Variants in BAZ1A observed in about 807,000 individuals in gnomAD.
The protein encoded by BAZ1A is bromodomain adjacent to zinc finger domain protein 1A.
Under a neutral mutation model 185.2 loss-of-function variants are expected in BAZ1A, and 50 were observed. That is an observed-to-expected ratio of 0.27 (90% CI 0.22 to 0.34). BAZ1A has a LOEUF of 0.34. Among genes scored for constraint, BAZ1A ranks in the 10% least tolerant of loss-of-function variants. The pLI, the probability that BAZ1A is intolerant of heterozygous loss-of-function variation, is 1.00. For synonymous variants in BAZ1A, 571 were observed against 615.6 expected (o/e 0.93, Z 1.07); for missense variants, 1,356 against 1,839.9 (o/e 0.74, Z 4.81).
chr14:34,760,531 G>C (rs77225191), intron 24 of BAZ1A, among the ~76,000 whole-genome samples: 2,819 of 141,436 alleles, frequency 0.02, 37 homozygotes, highest in South Asian at 0.044. Context: ...TTTATGTTTA[G>C]CTTCATTTAA....
chr14:34,789,197 C>A (rs926992895), intron 12 of BAZ1A, among the ~76,000 whole-genome samples: 1 of 152,214 alleles, frequency 6.6e-6, no homozygotes, highest in Admixed American at 6.5e-5. Flanking sequence ...TAACAACAGT[C>A]CTAGATACAA....
In BAZ1A at chr14:34,758,823, G is replaced by A. The variant is rs544478305; in HGVS notation, c.4267C>T (p.Arg1423Ter). ...SPEPSPVTLGRRSSGRQGGVH... is the reference protein window; with the variant it reads ...SPEPSPVTLG ...CCTCCCTGTCGGCCAGAACTCCTTCGACCCAGTGTCACAGGCGATGGCTCT... is the reference window on the plus strand; with the variant it reads ...CCTCCCTGTCGGCCAGAACTCCTTCAACCCAGTGTCACAGGCGATGGCTCT... The change falls in exon 25 of 27, where the codon CGA becomes TGA. Residue 1423 changes from arginine to a stop codon, truncating the protein, a stop_gained. Transcript: ENST00000360310. LOFTEE classifies it high-confidence loss of function. 1 of 1,613,986 alleles carries A rather than the reference G, an allele frequency of 6.2e-7. No homozygotes were observed. Among genetic ancestry groups the A allele is most frequent in the Non-Finnish European group, 8.5e-7 (1 of 1,179,994 alleles).
intron 6 of BAZ1A, 29 bp from the exon 7 acceptor site, chr14:34,803,017 T>A: frequency 6.3e-7 from 1 of 1,576,964 alleles, no homozygotes; most frequent in Non-Finnish European, 8.7e-7. Context: ...TAGGGTACAA[T>A]AATAACACAT....
At chr14:34,832,207 C>CATATATATATATATATATATATATAT (rs2042254467) in intron 3 of BAZ1A, among the ~76,000 whole-genome samples, 1 of 67,444 alleles carries the variant, frequency 1.5e-5, no homozygotes, top group Non-Finnish European at 3.3e-5. Context: ...CACACACACA[C>CATATATATATATATATATATATATAT]ACACACACAT....
chr14:34,870,621 G>A (rs776934804), intron 2 of BAZ1A, among the ~76,000 whole-genome samples: 3 of 152,172 alleles, frequency 2.0e-5, no homozygotes, highest in Non-Finnish European at 2.9e-5. Context: ...GATCTAGGCA[G>A]CCAGTTTAAA....
At chr14:34,819,910 G>T (rs909885464) in intron 4 of BAZ1A, among the ~76,000 whole-genome samples, 1 of 152,138 alleles carries the variant, frequency 6.6e-6, no homozygotes, top group African/African-American at 2.4e-5. Flanking sequence ...AGTTCCTGTT[G>T]CTCCACATGC....
chr14:34,762,260 A>G (rs370494713), intron 23 of BAZ1A, 37 bp from the exon 24 acceptor site: 2 of 1,569,684 alleles, frequency 1.3e-6, no homozygotes, highest in African/African-American at 2.7e-5. Context: ...TATTGTACAG[A>G]GCAATGATGA....
chr14:34,860,282 T>C (rs1236563573), intron 3 of BAZ1A, among the ~76,000 whole-genome samples: 1 of 151,246 alleles, frequency 6.6e-6, no homozygotes, highest in African/African-American at 2.4e-5. Context: ...CCAAGGCAGG[T>C]GGATTACTTG....
In BAZ1A at chr14:34,826,783, T is replaced by C. The variant is rs115572529; in HGVS notation, c.393-627A>G. Among the ~76,000 whole-genome samples the C allele has an allele frequency of 4.3e-3, 662 of 152,340 alleles. 10 individuals carry two copies. The highest frequency in any genetic ancestry group is 0.015 in the African/African-American group (618 of 41,584). ...TTGACTGCATTAAGGCAAAAGCAGA[T>C]AGTCGCTAAAGTATTATTGCTAAGT... On this transcript the variant is annotated intron_variant, in intron 3 of 26. Transcript: ENST00000360310.
chr14:34,855,519 A>G (rs944614935), intron 3 of BAZ1A, among the ~76,000 whole-genome samples: 2 of 152,172 alleles, frequency 1.3e-5, no homozygotes, highest in African/African-American at 4.8e-5. Flanking sequence ...AATTTGTCTT[A>G]AGTTTTTAAC....
At chr14:34,754,471 A>G (rs1191338258) in intron 26 of BAZ1A, among the ~76,000 whole-genome samples, 1 of 151,996 alleles carries the variant, frequency 6.6e-6, no homozygotes, top group Non-Finnish European at 1.5e-5. Flanking sequence ...ATTCTGAAAC[A>G]AGGTAGCAGA....
intron 3 of BAZ1A, among the ~76,000 whole-genome samples, chr14:34,853,648 G>C (rs557218028): frequency 6.6e-6 from 1 of 152,102 alleles, no homozygotes; most frequent in Non-Finnish European, 1.5e-5. Context: ...TTAGCCAGGC[G>C]TGGTGGCACA....
At chr14:34,813,010 G>A (rs1278803006) in intron 4 of BAZ1A, among the ~76,000 whole-genome samples, 2 of 152,004 alleles carry the variant, frequency 1.3e-5, no homozygotes, top group African/African-American at 4.8e-5. Flanking sequence ...CACAACCTAC[G>A]TGGGGCCATA....
chr14:34,868,699 G>A (rs1237597033), intron 2 of BAZ1A, among the ~76,000 whole-genome samples: 3 of 151,960 alleles, frequency 2.0e-5, no homozygotes, highest in African/African-American at 4.8e-5. Context: ...TACTCGGGAC[G>A]CTGAGGTGGG....
rs778603121 is a variant in BAZ1A, at chr14:34,776,300, G to T, written c.2452C>A (p.Pro818Thr). ...TCAATAAAGAGTCCAGGAATAGAAG[G>T]GAAAATCCAGTATCGTCTATACATG... is the stretch of plus-strand genomic sequence containing the variant. ...DRMYRRYWIF[P>T]SIPGLFIEED... The change falls in exon 18 of 27, where the codon CCT becomes ACT. Residue 818 changes from proline to threonine, a missense_variant. Pro to Thr is a conservative substitution (Grantham distance 38). Around this residue, in one of 7 missense-constraint regions of BAZ1A, gnomAD observed 434 missense variants for 561.7 expected, o/e 0.77. Coordinates refer to ENST00000360310, the MANE Select transcript of BAZ1A (RefSeq NM_013448.3). 6.2e-7 allele frequency: 1 copy of T among 1,613,664 alleles called. No individual in the cohort carries two copies. The highest frequency in any genetic ancestry group is 8.5e-7 in the Non-Finnish European group (1 of 1,179,796).
At chr14:34,829,855 T>C (rs1262615184) in intron 3 of BAZ1A, among the ~76,000 whole-genome samples, 1 of 152,210 alleles carries the variant, frequency 6.6e-6, no homozygotes, top group East Asian at 1.9e-4. Flanking sequence ...ACTACCAAAA[T>C]ATATAGTGAT....
chr14:34,870,151 G>A (rs1434666561), intron 2 of BAZ1A, among the ~76,000 whole-genome samples: 1 of 152,208 alleles, frequency 6.6e-6, no homozygotes, highest in African/African-American at 2.4e-5. Context: ...CAATATTGCA[G>A]TAACTGATCA....
chr14:34,840,808 ACTTATT>A (rs2042403114), intron 3 of BAZ1A, among the ~76,000 whole-genome samples: 1 of 151,768 alleles, frequency 6.6e-6, no homozygotes, highest in Non-Finnish European at 1.5e-5. Context: ...AAAAACTTAT[ACTTATT>A]ACTCCCTTCT....
intron 3 of BAZ1A, among the ~76,000 whole-genome samples, chr14:34,851,015 T>C (rs1342746261): frequency 1.3e-5 from 2 of 152,134 alleles, no homozygotes; most frequent in Non-Finnish European, 2.9e-5. Context: ...CCAATTCTTA[T>C]TTAAAAAGAG....
Sources: gnomAD v4.1 joint callset for allele counts (sites outside exome capture counted in the v4.1 genomes callset) on GRCh38, gnomAD v4.1.1 for gene constraint, gnomAD v4.1.1 regional missense constraint, MANE v1.5 for transcripts, NCBI Gene and HGNC (gene_info 2026-07-23, HGNC 2026-07-21) for gene names.